BCLAF3: variants seen among roughly 807,000 people sequenced by gnomAD.
BCLAF3 encodes the protein transient octamer binding factor 1.
Under a neutral mutation model 51.2 loss-of-function variants are expected in BCLAF3, and 24 were observed. That is an observed-to-expected ratio of 0.47 (90% confidence interval 0.34 to 0.66). The LOEUF is 0.66. Ranked by LOEUF, BCLAF3 falls within the 30% of genes least tolerant of loss-of-function variation. The pLI is 0.01. For synonymous variants in BCLAF3, 152 were observed against 176.6 expected, an observed-to-expected ratio of 0.86 and a Z score of 1.10; for missense variants, 465 against 525.1, an observed-to-expected ratio of 0.89 and a Z score of 1.12.
At chrX:19,922,520 AT>A (rs1198100609) in intron 11 of BCLAF3, among the ~76,000 whole-genome samples, 3 of 112,277 alleles carry the variant, frequency 2.7e-5, no homozygotes, top group Non-Finnish European at 3.8e-5. Flanking sequence ...CAGAGGAAAT[AT>A]TTAACACTTA....
chrX:19,951,884 C>T (rs2071496747), intron 7 of BCLAF3, among the ~76,000 whole-genome samples: 1 of 111,505 alleles, frequency 9.0e-6, no homozygotes, highest in East Asian at 2.8e-4. Context: ...GCCATAATTG[C>T]ACCACTGTAC....
intron 1 of BCLAF3, among the ~76,000 whole-genome samples, chrX:19,981,140 T>A (rs2072599129): frequency 9.0e-6 from 1 of 110,722 alleles, no homozygotes. Context: ...CAACACCGGG[T>A]GCTGAGACAA....
intron 11 of BCLAF3, among the ~76,000 whole-genome samples, chrX:19,926,398 T>C (rs773449881): frequency 2.0e-4 from 22 of 111,556 alleles, no homozygotes; most frequent in Non-Finnish European, 3.6e-4. Flanking sequence ...TGTCCTATGA[T>C]GAAGGCCTGA....
intron 11 of BCLAF3, among the ~76,000 whole-genome samples, chrX:19,919,020 C>T (rs1238261276): frequency 9.0e-6 from 1 of 111,344 alleles, no homozygotes; most frequent in Non-Finnish European, 1.9e-5. Context: ...GTACCACTTT[C>T]TCCTCAGTCT....
intron 2 of BCLAF3, among the ~76,000 whole-genome samples, chrX:19,968,159 T>C (rs2072122958): frequency 8.9e-6 from 1 of 112,779 alleles, no homozygotes; most frequent in Non-Finnish European, 1.9e-5. Flanking sequence ...TAGCACAGTG[T>C]CCCTTTCTTC....
At chrX:19,964,955 T>G (rs2071995412) in intron 4 of BCLAF3, 89 bp downstream of exon 4, 1 of 840,198 alleles carries the variant, frequency 1.2e-6, no homozygotes, top group Admixed American at 4.3e-5. Flanking sequence ...TGATGGACTC[T>G]AAACACACTA....
chrX:19,950,297 G>A (rs1486972246), intron 8 of BCLAF3, among the ~76,000 whole-genome samples: 2 of 111,445 alleles, frequency 1.8e-5, no homozygotes, highest in Admixed American at 1.9e-4. Context: ...TTCACTTTTT[G>A]TCAGTACAGT....
chrX:19,957,077 C>T (rs2071691828), intron 4 of BCLAF3, among the ~76,000 whole-genome samples: 1 of 111,980 alleles, frequency 8.9e-6, no homozygotes, highest in African/African-American at 3.2e-5. Context: ...TCTAACTTTC[C>T]GTGCTCCCTG....
intron 10 of BCLAF3, chrX:19,935,439 T>C (rs909452111): frequency 7.6e-6 from 1 of 131,294 alleles, no homozygotes; most frequent in African/African-American, 3.2e-5. Context: ...TCTGTGAATC[T>C]TGGAGAAAGC....
intron 8 of BCLAF3, 28 bp downstream of exon 8, chrX:19,950,725 A>G: frequency 9.5e-7 from 1 of 1,057,488 alleles, no homozygotes; most frequent in Non-Finnish European, 1.3e-6. Context: ...GCTCCCTGAT[A>G]ACAGGATGTT....
chrX:19,922,017 A>C (rs2070182294), intron 11 of BCLAF3, among the ~76,000 whole-genome samples: 2 of 110,650 alleles, frequency 1.8e-5, no homozygotes, highest in Admixed American at 2.0e-4. Flanking sequence ...TAAATAAATA[A>C]ATAATAAAAA....
chrX:19,962,168 T>C lies in BCLAF3; in HGVS notation c.1274+2876A>G, dbSNP rs1227907912. ...CACTTCATTATTAAATATGGGGGTA[T>C]CATTACTTTTATTTTTTTAGTTTTT... On this transcript the variant is annotated intron_variant, in intron 4 of 11. Transcript: ENST00000379682. Among the ~76,000 whole-genome samples, 3 of 112,016 alleles carry C rather than the reference T, an allele frequency of 2.7e-5. No homozygotes were observed. The South Asian group carries it at 1.1e-3, about 41-fold the overall frequency.
intron 4 of BCLAF3, 79 bp downstream of exon 4, chrX:19,964,965 A>G: frequency 1.1e-6 from 1 of 886,865 alleles, no homozygotes; most frequent in Non-Finnish European, 1.5e-6. Flanking sequence ...TAAACACACT[A>G]TTAATTCCAT....
intron 1 of BCLAF3, among the ~76,000 whole-genome samples, chrX:19,973,788 C>G (rs1196583015): frequency 3.6e-5 from 4 of 112,329 alleles, no homozygotes; most frequent in African/African-American, 1.3e-4. Flanking sequence ...AGGCAAAAGA[C>G]TCCATTATCA....
rs1389198014 is a variant in BCLAF3, at chrX:19,965,286, C to T, written c.1032G>A (p.Pro344=). The part of the protein sequence containing the change: ...QDGQVKEPFK[P]SKKDSIACTY... ...TACAGGCAATGCTGTCTTTCTTAGA[C>T]GGTTTAAAAGGTTCTTTGACTTGTC... Residue 344 remains proline (P), a synonymous_variant, in exon 4 of 12, where the codon CCG becomes CCA. Coordinates refer to ENST00000379682, the MANE Select transcript of BCLAF3 (RefSeq NM_001367774.2). 5.8e-6 allele frequency: 7 copies of T among 1,208,898 alleles called. No homozygotes were observed. The highest frequency in any genetic ancestry group is 4.4e-5 in the Admixed American group (2 of 45,546).
At chrX:19,953,437 A>G (rs933658572) in intron 6 of BCLAF3, among the ~76,000 whole-genome samples, 1 of 112,160 alleles carries the variant, frequency 8.9e-6, no homozygotes, top group Non-Finnish European at 1.9e-5. Flanking sequence ...ACGAAGCAAC[A>G]TATGATTTCG....
rs1405746317 is a variant in BCLAF3, at chrX:19,912,999, C to T, written c.*4306G>A. ...AACAGTGGGTGGGTATGTTTCCAGACCTCTCAATTCACTCATATGTACAGA... is the reference window on the plus strand; with the variant it reads ...AACAGTGGGTGGGTATGTTTCCAGATCTCTCAATTCACTCATATGTACAGA... On this transcript the variant is annotated 3_prime_UTR_variant, in exon 12 of 12. Coordinates refer to ENST00000379682, the MANE Select transcript of BCLAF3 (RefSeq NM_001367774.2). The T allele has an allele frequency of 9.0e-6, 1 of 111,261 alleles. No homozygotes were observed. The highest frequency in any genetic ancestry group is 1.9e-5 in the Non-Finnish European group (1 of 52,993). 9.2% of individuals were successfully genotyped at this position (111,261 alleles called of 1,213,427 possible). A position where few individuals can be genotyped will look rare whatever the true frequency, so the allele number is the denominator to read the frequency against.
chrX:19,939,280 T>C (rs186189384), intron 8 of BCLAF3, among the ~76,000 whole-genome samples: 3 of 112,323 alleles, frequency 2.7e-5, no homozygotes, highest in Admixed American at 1.9e-4. Context: ...TTATACTTTA[T>C]TATATTTTTC....
chrX:19,965,765 T>C (rs1029708287), intron 3 of BCLAF3, 59 bp from the exon 4 acceptor site: 6 of 1,043,135 alleles, frequency 5.8e-6, no homozygotes, highest in South Asian at 5.6e-5. Flanking sequence ...AGAATTTATA[T>C]GTGTAGAATG....
Sources: allele counts gnomAD v4.1 joint callset (sites outside exome capture counted in the v4.1 genomes callset), GRCh38; gene constraint gnomAD v4.1.1; transcripts MANE v1.5; gene names NCBI Gene and HGNC (gene_info 2026-07-23, HGNC 2026-07-21).